The following GRK4 variants were observed in gnomAD, a reference collection of about 807,000 sequenced individuals.
GRK4 encodes G protein-coupled receptor kinase 2-like.
GRK4 carries 73 observed loss-of-function variants against 77.9 expected under a neutral mutation model. That is an observed-to-expected ratio of 0.94 (90% CI 0.78 to 1.14). GRK4 has a LOEUF of 1.14. Ranked by LOEUF, GRK4 falls within the 50% of genes most tolerant of loss-of-function variation. GRK4 has a pLI of 0.00. For missense variants in GRK4, 729 were observed against 700.2 expected (o/e 1.04, Z -0.46); for synonymous variants, 257 against 254.4 (o/e 1.01, Z -0.10).
intron 5 of GRK4, among the ~76,000 whole-genome samples, 161 bp from the exon 6 acceptor site, chr4:3,007,575 G>T (rs58966302): frequency 6.6e-6 from 1 of 152,138 alleles, no homozygotes; most frequent in Non-Finnish European, 1.5e-5. Flanking sequence ...CACTTATAGC[G>T]TTAGAACCTA....
rs1375859831 is a variant in GRK4 at position 3,038,356 on chromosome 4, C to A, written c.1546-20C>A. The stretch of plus-strand genomic sequence containing the variant: ...GCAGTTTCTCTGCGGCTTCTCTGTC[C>A]TGTTATTCTGTGCATGCAGATGATC... On this transcript the variant is annotated intron_variant, in intron 14 of 15. Transcript: ENST00000398052. The A allele has an allele frequency of 6.2e-7, 1 of 1,613,838 alleles. No individual in the cohort carries two copies. The highest frequency in any genetic ancestry group is 2.2e-5 in the East Asian group (1 of 44,888).
intron 5 of GRK4, 29 bp from the exon 6 acceptor site, chr4:3,007,707 G>A (rs1731706380): frequency 4.3e-6 from 6 of 1,385,792 alleles, no homozygotes; most frequent in Middle Eastern, 1.9e-4. Flanking sequence ...TACAACAAAT[G>A]TATATAATTT....
intron 12 of GRK4, among the ~76,000 whole-genome samples, chr4:3,032,083 A>G (rs914830597): frequency 2.6e-5 from 4 of 152,176 alleles, no homozygotes; most frequent in African/African-American, 9.7e-5. Flanking sequence ...CCCACAGGAC[A>G]CTGACAGGGC....
intron 3 of GRK4, among the ~76,000 whole-genome samples, 171 bp downstream of exon 3, chr4:2,989,010 C>A (rs973190690): frequency 5.9e-5 from 9 of 152,082 alleles, no homozygotes; most frequent in Admixed American, 5.9e-4. Flanking sequence ...CAGTGAAACC[C>A]GTCTCTACTA....
intron 8 of GRK4, among the ~76,000 whole-genome samples, chr4:3,015,940 G>C (rs1002112910): frequency 2.0e-5 from 3 of 148,038 alleles, no homozygotes; most frequent in Non-Finnish European, 4.5e-5. Flanking sequence ...ACAGAGTCTC[G>C]CACTGTCTCC....
In GRK4 at chr4:2,965,554, A is replaced by G. The variant is rs768491454; in HGVS notation, c.52+1432A>G. On this transcript the variant is annotated intron_variant, in intron 1 of 15. Transcript: ENST00000398052. ...GCAGCCGGCGATGCATATTTAAAGGACAGTCTGGAGCCGAAGGTGGCGGCC... is the reference window on the plus strand; with the variant it reads ...GCAGCCGGCGATGCATATTTAAAGGGCAGTCTGGAGCCGAAGGTGGCGGCC... The G allele has an allele frequency of 5.5e-5, 37 of 678,882 alleles. No individual in the cohort carries two copies. In the East Asian group the frequency reaches 5.9e-4, roughly 11 times the overall value. 42.1% of individuals were successfully genotyped at this position (678,882 alleles called of 1,614,324 possible).
Position 3,010,214 on chromosome 4 carries a change from T to TTTTTG in GRK4, c.600+529_600+533dup, listed in dbSNP as rs56964555. Among the ~76,000 whole-genome samples the TTTTTG allele has an allele frequency of 3.1e-3, 476 of 151,936 alleles. 5 individuals are homozygous for TTTTTG. Among genetic ancestry groups the TTTTTG allele is most frequent in the Middle Eastern group, 0.02 (6 of 294 alleles). On this transcript the variant is annotated intron_variant, in intron 7 of 15. Coordinates refer to ENST00000398052, the MANE Select transcript of GRK4 (RefSeq NM_182982.3). ...ACTCACAGACTCACGAGGGGTGTTT[T>TTTTTG]TTTTGTTTTGTTTTGTTTTGTTTTG...
intron 8 of GRK4, among the ~76,000 whole-genome samples, chr4:3,018,868 G>GA (rs1735275406): frequency 6.6e-6 from 1 of 152,192 alleles, no homozygotes; most frequent in Non-Finnish European, 1.5e-5. Flanking sequence ...GACAGAGCAA[G>GA]ACTGTGTCTC....
At chr4:3,037,079 GTGTA>G (rs1740909038) in intron 13 of GRK4, among the ~76,000 whole-genome samples, 2 of 110,068 alleles carry the variant, frequency 1.8e-5, no homozygotes, top group Non-Finnish European at 3.6e-5. Context: ...GTATGTGTGT[GTGTA>G]TGTGTGTGTG....
At chr4:2,979,403 C>CAAAAA (rs144374548) in intron 1 of GRK4, among the ~76,000 whole-genome samples, 6 of 59,202 alleles carry the variant, frequency 1.0e-4, no homozygotes, top group Admixed American at 2.0e-4. Flanking sequence ...GACTCTGTCT[C>CAAAAA]AAAAAAAAAA....
intron 15 of GRK4, among the ~76,000 whole-genome samples, chr4:3,039,202 C>T (rs1382017079): frequency 6.6e-6 from 1 of 151,698 alleles, no homozygotes; most frequent in Non-Finnish European, 1.5e-5. Flanking sequence ...GGCAACAGCG[C>T]AAGACTCCAT....
intron 1 of GRK4, among the ~76,000 whole-genome samples, chr4:2,984,018 G>A (rs1178774216): frequency 6.6e-6 from 1 of 152,070 alleles, no homozygotes; most frequent in Non-Finnish European, 1.5e-5. Context: ...ATCCAATCAC[G>A]GGACTCCCAC....
intron 1 of GRK4, chr4:2,965,281 C>G: frequency 1.4e-6 from 1 of 703,054 alleles, no homozygotes; most frequent in African/African-American, 1.7e-5. Flanking sequence ...GTTGGTCCAG[C>G]CCTTCAGCGG....
intron 3 of GRK4, 150 bp downstream of exon 3, chr4:2,988,989 C>T: frequency 1.7e-6 from 1 of 576,966 alleles, no homozygotes; most frequent in Admixed American, 2.7e-5. Flanking sequence ...TCGAGACCAT[C>T]CTGACCAACA....
intron 10 of GRK4, among the ~76,000 whole-genome samples, chr4:3,023,424 G>C (rs775818755): frequency 1.3e-5 from 2 of 152,202 alleles, no homozygotes; most frequent in Non-Finnish European, 2.9e-5. Context: ...AAGGTCAGTG[G>C]CTCCTGCCGA....
intron 1 of GRK4, among the ~76,000 whole-genome samples, chr4:2,983,656 A>G (rs1342633419): frequency 2.0e-5 from 3 of 152,002 alleles, no homozygotes; most frequent in African/African-American, 4.8e-5. Context: ...ATTTTGTTTC[A>G]TATTTATCAC....
At chr4:2,985,973 A>G (rs1724215041) in intron 2 of GRK4, among the ~76,000 whole-genome samples, 1 of 143,428 alleles carries the variant, frequency 7.0e-6, no homozygotes, top group African/African-American at 2.7e-5. Flanking sequence ...TGACAGAACA[A>G]GACTCCGTCT....
intron 11 of GRK4, among the ~76,000 whole-genome samples, 172 bp downstream of exon 11, chr4:3,028,173 C>A (rs77647510): frequency 0.019 from 2,871 of 152,254 alleles, 32 homozygotes; most frequent in Middle Eastern, 0.082. Flanking sequence ...TGCTGGGGAT[C>A]CTGTAGGCTG....
At chr4:3,025,535 G>A (rs1051049216) in intron 10 of GRK4, among the ~76,000 whole-genome samples, 4 of 150,768 alleles carry the variant, frequency 2.7e-5, no homozygotes, top group Non-Finnish European at 4.4e-5. Flanking sequence ...GACTACAGGC[G>A]CCCGCCACCA....
Sources: gnomAD v4.1 joint callset for allele counts (sites outside exome capture counted in the v4.1 genomes callset) on GRCh38, gnomAD v4.1.1 for gene constraint, MANE v1.5 for transcripts, NCBI Gene and HGNC (gene_info 2026-07-23, HGNC 2026-07-21) for gene names.